Variants in PHTF1 observed in about 807,000 individuals in gnomAD.
PHTF1 encodes putative homeodomain transcription factor 1, also known as protein PHTF1.
A neutral mutation model predicts 102.4 loss-of-function variants in PHTF1; 88 were observed. The observed-to-expected ratio is 0.86, with a 90% CI of 0.72 to 1.03. The LOEUF is 1.03. PHTF1 is among the 50% of genes least tolerant of loss of function. PHTF1 has a pLI of 0.00. For synonymous variants in PHTF1, 289 were observed against 305.2 expected, an observed-to-expected ratio of 0.95 and a Z score of 0.55; for missense variants, 814 against 909.5, an observed-to-expected ratio of 0.89 and a Z score of 1.35.
chr1:113,757,007 A>C (rs540990136), intron 3 of PHTF1, among the ~76,000 whole-genome samples: 9 of 152,280 alleles, frequency 5.9e-5, no homozygotes, highest in African/African-American at 2.2e-4. Flanking sequence ...CTCTACTAAA[A>C]ATACAAAAAA....
rs758677610 is a variant in PHTF1 at position 113,705,808 on chromosome 1, AC to A, written c.1671+81del. On this transcript the variant is annotated intron_variant, in intron 13 of 18. Coordinates refer to ENST00000369604, the MANE Select transcript of PHTF1 (RefSeq NM_001323043.2). The stretch of plus-strand genomic sequence containing the variant: ...ATTGCCCACATCAACTTGAAGAGAG[AC>A]CAAATCAAGAGAACAAAAGCAACTC... 117 of 1,037,722 alleles carry A rather than the reference AC, an allele frequency of 1.1e-4. 1 individual carries two copies. Among genetic ancestry groups the A allele is most frequent in the Non-Finnish European group, 1.6e-4 (113 of 699,242 alleles). The allele number at this position is 1,037,722 out of a possible 1,614,324, so 64.3% of individuals were successfully genotyped here.
intron 5 of PHTF1, among the ~76,000 whole-genome samples, chr1:113,734,819 A>G (rs1347119892): frequency 6.6e-6 from 1 of 152,170 alleles, no homozygotes; most frequent in East Asian, 1.9e-4. Context: ...ATGACTCCTA[A>G]GAGCTCCCTT....
chr1:113,733,419 A>G (rs571104413), intron 5 of PHTF1, among the ~76,000 whole-genome samples: 3 of 152,268 alleles, frequency 2.0e-5, no homozygotes, highest in South Asian at 2.1e-4. Flanking sequence ...TGCTGGCATT[A>G]TTAATAAAAA....
chr1:113,724,948 C>A, intron 6 of PHTF1, 55 bp from the exon 7 acceptor site: 1 of 1,242,230 alleles, frequency 8.1e-7, no homozygotes, highest in Non-Finnish European at 1.1e-6. Context: ...TCTATTTCTG[C>A]CAAAAATATC....
At chr1:113,757,309 T>C (rs1158473445) in intron 3 of PHTF1, among the ~76,000 whole-genome samples, 1 of 151,290 alleles carries the variant, frequency 6.6e-6, no homozygotes, top group Non-Finnish European at 1.5e-5. Flanking sequence ...GAAGGAAGAG[T>C]CTCTTAAAAA....
intron 3 of PHTF1, among the ~76,000 whole-genome samples, chr1:113,747,512 T>C (rs1007512285): frequency 1.3e-5 from 2 of 152,236 alleles, no homozygotes; most frequent in African/African-American, 2.4e-5. Flanking sequence ...CCTGAGACAT[T>C]TGCAATTATC....
chr1:113,699,981 G>A, intron 16 of PHTF1, 182 bp from the exon 17 acceptor site: 1 of 763,358 alleles, frequency 1.3e-6, no homozygotes. Flanking sequence ...TCTCCCTCTG[G>A]CAAAGAAAAA....
At chr1:113,711,668 G>A (rs907151717) in intron 10 of PHTF1, 78 bp downstream of exon 10, 106 of 1,086,852 alleles carry the variant, frequency 9.8e-5, no homozygotes, top group Non-Finnish European at 2.1e-5. Context: ...TGCTACTTTA[G>A]GGCAACCAAT....
chr1:113,704,643 A>AT, intron 14 of PHTF1, 23 bp downstream of exon 14: 1 of 1,545,312 alleles, frequency 6.5e-7, no homozygotes, highest in Non-Finnish European at 8.8e-7. Context: ...CACATACTCT[A>AT]TTGTTAATCA....
intron 3 of PHTF1, among the ~76,000 whole-genome samples, chr1:113,747,325 C>T (rs2757514): frequency 0.012 from 1,852 of 152,252 alleles, 48 homozygotes; most frequent in African/African-American, 0.043. Flanking sequence ...TTTTAATGCA[C>T]TTAATCTTCT....
chr1:113,732,889 C>A (rs1277552962), intron 5 of PHTF1, among the ~76,000 whole-genome samples: 1 of 151,888 alleles, frequency 6.6e-6, no homozygotes, highest in Non-Finnish European at 1.5e-5. Flanking sequence ...AGGTAACAAT[C>A]TTTTGTTGAG....
At chr1:113,740,330 A>G (rs1402990377) in intron 3 of PHTF1, among the ~76,000 whole-genome samples, 1 of 152,056 alleles carries the variant, frequency 6.6e-6, no homozygotes. Context: ...TGGTGGTATC[A>G]AGCATTTTTT....
At chr1:113,737,794 G>A (rs913920070) in intron 5 of PHTF1, among the ~76,000 whole-genome samples, 6 of 152,016 alleles carry the variant, frequency 3.9e-5, no homozygotes, top group African/African-American at 9.7e-5. Flanking sequence ...GAGAGACCCC[G>A]TCTCAAAAAC....
intron 7 of PHTF1, among the ~76,000 whole-genome samples, chr1:113,719,355 T>C (rs921165456): frequency 6.6e-6 from 1 of 152,168 alleles, no homozygotes; most frequent in African/African-American, 2.4e-5. Context: ...CAAACTTTTA[T>C]GCTCTGCTTC....
At chr1:113,742,968 T>TG (rs1656654202) in intron 3 of PHTF1, among the ~76,000 whole-genome samples, 1 of 151,650 alleles carries the variant, frequency 6.6e-6, no homozygotes, top group Non-Finnish European at 1.5e-5. Flanking sequence ...CAAGGAGTTT[T>TG]TTGTTGTTGT....
At chr1:113,701,067 C>A in intron 15 of PHTF1, 118 bp from the exon 16 acceptor site, 2 of 738,310 alleles carry the variant, frequency 2.7e-6, no homozygotes. Flanking sequence ...ATACTGAAAG[C>A]AGAAGAGCTT....
intron 10 of PHTF1, among the ~76,000 whole-genome samples, chr1:113,710,804 A>ATC: frequency 1.1e-5 from 1 of 87,604 alleles, no homozygotes; most frequent in African/African-American, 4.1e-5. Flanking sequence ...ATATATATAT[A>ATC]TATATATTTT....
chr1:113,727,042 G>GTGTATA (rs1553229713), intron 5 of PHTF1, among the ~76,000 whole-genome samples: 6 of 148,004 alleles, frequency 4.1e-5, no homozygotes, highest in African/African-American at 1.2e-4. Flanking sequence ...ACATATATGT[G>GTGTATA]TATATATATA....
At chr1:113,717,587 T>C (rs763605150) in intron 7 of PHTF1, among the ~76,000 whole-genome samples, 3 of 152,190 alleles carry the variant, frequency 2.0e-5, no homozygotes, top group African/African-American at 7.2e-5. Context: ...ATTTTCATGC[T>C]GCTGATGAAA....
Sources: allele counts gnomAD v4.1 joint callset (sites outside exome capture counted in the v4.1 genomes callset), GRCh38; gene constraint gnomAD v4.1.1; transcripts MANE v1.5; gene names NCBI Gene and HGNC (gene_info 2026-07-23, HGNC 2026-07-21).